CSNK1G1: variants seen among roughly 807,000 people sequenced by gnomAD.
CSNK1G1 encodes the protein casein kinase I isoform gamma-1.
A neutral mutation model predicts 59.6 loss-of-function variants in CSNK1G1; 22 were observed. The observed-to-expected ratio is 0.37, with a 90% CI of 0.26 to 0.53. The LOEUF (loss-of-function observed/expected upper bound fraction) is 0.53. Among genes scored for constraint, CSNK1G1 ranks in the 20% least tolerant of loss-of-function variants. The probability of loss-of-function intolerance (pLI) is 0.89; values close to 1 mark genes in which losing one functional copy is unlikely to be tolerated. For synonymous variants in CSNK1G1, 179 were observed against 177.1 expected, an observed-to-expected ratio of 1.01 and a Z score of -0.08; for missense variants, 384 against 519.5, an observed-to-expected ratio of 0.74 and a Z score of 2.54.
At chr15:64,237,151 G>A (rs1035429998) in intron 4 of CSNK1G1, among the ~76,000 whole-genome samples, 1 of 152,150 alleles carries the variant, frequency 6.6e-6, no homozygotes, top group Non-Finnish European at 1.5e-5. Context: ...GAAGGAAGAT[G>A]AGAAATTGGT....
At chr15:64,319,949 G>T (rs1411485716) in intron 1 of CSNK1G1, among the ~76,000 whole-genome samples, 2 of 135,978 alleles carry the variant, frequency 1.5e-5, no homozygotes, top group African/African-American at 5.7e-5. Context: ...TTTGAGACAG[G>T]GTCTCACTCT....
At chr15:64,185,180 T>C (rs187848385) in intron 10 of CSNK1G1, among the ~76,000 whole-genome samples, 3 of 152,358 alleles carry the variant, frequency 2.0e-5, no homozygotes, top group African/African-American at 4.8e-5. Flanking sequence ...GGAGCCTTCA[T>C]GTGCCTTATC....
chr15:64,309,748 T>C (rs1895891432), intron 1 of CSNK1G1, among the ~76,000 whole-genome samples: 1 of 152,186 alleles, frequency 6.6e-6, no homozygotes, highest in African/African-American at 2.4e-5. Flanking sequence ...ATTAGAAAAC[T>C]ATAACCCAAA....
intron 10 of CSNK1G1, among the ~76,000 whole-genome samples, chr15:64,201,642 A>G (rs1250722368): frequency 3.3e-5 from 5 of 151,864 alleles, no homozygotes; most frequent in African/African-American, 1.2e-4. Flanking sequence ...ACCAAACCAC[A>G]TATTTTGCCA....
intron 1 of CSNK1G1, among the ~76,000 whole-genome samples, chr15:64,309,330 ACACACACAC>A (rs1895863505): frequency 6.6e-6 from 1 of 150,690 alleles, no homozygotes; most frequent in Non-Finnish European, 1.5e-5. Context: ...ACACACACAC[ACACACACAC>A]ACACACACAC....
At chr15:64,208,484 C>T (rs1470095148) in intron 6 of CSNK1G1, among the ~76,000 whole-genome samples, 1 of 152,190 alleles carries the variant, frequency 6.6e-6, no homozygotes, top group African/African-American at 2.4e-5. Flanking sequence ...TCTCAGAAAA[C>T]ATCCTACACA....
chr15:64,312,824 C>A (rs1596262065), intron 1 of CSNK1G1, among the ~76,000 whole-genome samples: 2 of 152,156 alleles, frequency 1.3e-5, no homozygotes, highest in African/African-American at 2.4e-5. Flanking sequence ...AGGCAACCTA[C>A]AGAATGGGAG....
At chr15:64,352,358 C>T (rs904006176) in intron 1 of CSNK1G1, among the ~76,000 whole-genome samples, 1 of 151,424 alleles carries the variant, frequency 6.6e-6, no homozygotes, top group Non-Finnish European at 1.5e-5. Flanking sequence ...TAGATATATA[C>T]AGACCTTACA....
intron 1 of CSNK1G1, among the ~76,000 whole-genome samples, chr15:64,317,806 G>T (rs933366634): frequency 6.6e-6 from 1 of 152,128 alleles, no homozygotes; most frequent in African/African-American, 2.4e-5. Context: ...CCTCATGTCT[G>T]TTTTTAAAAT....
At chr15:64,178,053 C>T (rs1048216800) in intron 11 of CSNK1G1, among the ~76,000 whole-genome samples, 5 of 152,134 alleles carry the variant, frequency 3.3e-5, no homozygotes, top group Non-Finnish European at 5.9e-5. Context: ...TTTAAAATTC[C>T]TGATGCTCGG....
chr15:64,220,042 C>T (rs1166201966), intron 4 of CSNK1G1, among the ~76,000 whole-genome samples: 1 of 151,232 alleles, frequency 6.6e-6, no homozygotes, highest in African/African-American at 2.4e-5. Context: ...AAAGTGCTGG[C>T]ATTACAGGTG....
chr15:64,292,417 T>C (rs1370240385), intron 2 of CSNK1G1, among the ~76,000 whole-genome samples: 1 of 152,230 alleles, frequency 6.6e-6, no homozygotes, highest in African/African-American at 2.4e-5. Flanking sequence ...TATCCTGTGT[T>C]AATGCATTTT....
At chr15:64,276,362 A>G (rs1046368096) in intron 2 of CSNK1G1, among the ~76,000 whole-genome samples, 28 of 152,340 alleles carry the variant, frequency 1.8e-4, no homozygotes, top group African/African-American at 6.5e-4. Flanking sequence ...CTTCAAAGGC[A>G]TATGATTTTC....
At chr15:64,208,821 C>T (rs2082214882) in intron 6 of CSNK1G1, among the ~76,000 whole-genome samples, 1 of 152,140 alleles carries the variant, frequency 6.6e-6, no homozygotes, top group Admixed American at 6.6e-5. Context: ...CCCATGTGAG[C>T]CATTGCACCC....
chr15:64,286,807 AG>A (rs1176992548), intron 2 of CSNK1G1, among the ~76,000 whole-genome samples: 1 of 152,190 alleles, frequency 6.6e-6, no homozygotes, highest in East Asian at 1.9e-4. Flanking sequence ...ACTTTGCAAT[AG>A]TATAATATTA....
intron 4 of CSNK1G1, among the ~76,000 whole-genome samples, chr15:64,244,856 C>T (rs540498919): frequency 6.6e-6 from 1 of 152,064 alleles, no homozygotes. Flanking sequence ...GGAGGCATCA[C>T]CCACTAATCA....
At chr15:64,226,130 C>G (rs1249705402) in intron 4 of CSNK1G1, among the ~76,000 whole-genome samples, 1 of 152,220 alleles carries the variant, frequency 6.6e-6, no homozygotes, top group Non-Finnish European at 1.5e-5. Flanking sequence ...CAAGACTTTC[C>G]ATCTGGTAAC....
chr15:64,228,380 G>A (rs2082490567), intron 4 of CSNK1G1, among the ~76,000 whole-genome samples: 1 of 152,228 alleles, frequency 6.6e-6, no homozygotes, highest in African/African-American at 2.4e-5. Flanking sequence ...GGGCACGGTG[G>A]CTCACGCCTG....
chr15:64,347,920 C>T (rs774882363), intron 1 of CSNK1G1, among the ~76,000 whole-genome samples: 4 of 151,680 alleles, frequency 2.6e-5, no homozygotes, highest in Non-Finnish European at 5.9e-5. Context: ...GCAGGGGAAT[C>T]GCTTGAACCC....
Sources: allele counts gnomAD v4.1 joint callset (sites outside exome capture counted in the v4.1 genomes callset), GRCh38; gene constraint gnomAD v4.1.1; transcripts MANE v1.5; gene names NCBI Gene and HGNC (gene_info 2026-07-23, HGNC 2026-07-21).